Variants in ZRANB1 observed in about 807,000 individuals in gnomAD.
The protein encoded by ZRANB1 is ubiquitin thioesterase ZRANB1.
Under a neutral mutation model 80.5 loss-of-function variants are expected in ZRANB1, and 16 were observed. That is an observed-to-expected ratio of 0.20 (90% CI 0.13 to 0.30). The LOEUF (loss-of-function observed/expected upper bound fraction) is 0.30, where lower values mean the gene tolerates loss of function less well. ZRANB1 is among the 10% of genes least tolerant of loss of function. ZRANB1 has a pLI of 1.00. For missense variants in ZRANB1, 576 were observed against 862.6 expected (o/e 0.67, Z 4.16); for synonymous variants, 291 against 293.1 (o/e 0.99, Z 0.07).
Position 124,985,767 on chromosome 10 carries a change from A to C in ZRANB1, c.*775A>C, listed in dbSNP as rs1198182907. On this transcript the variant is annotated 3_prime_UTR_variant, in exon 9 of 9. Coordinates refer to ENST00000359653, the MANE Select transcript of ZRANB1 (RefSeq NM_017580.3). ...AGATTCTGGGCAGTGGTCTGTGAGT[A>C]GTTTTTTTCCTGGATGAAAAGGGAG... is the stretch of plus-strand genomic sequence containing the variant. 14 of 152,254 alleles carry C rather than the reference A, an allele frequency of 9.2e-5. No individual in the cohort carries two copies. The highest frequency in any genetic ancestry group is 3.4e-4 in the African/African-American group (14 of 41,436). The allele number at this position is 152,254 out of a possible 1,614,324, so 9.4% of individuals were successfully genotyped here. A position where few individuals can be genotyped will look rare whatever the true frequency, so the allele number is the denominator to read the frequency against.
chr10:124,981,923 G>A, intron 6 of ZRANB1, 94 bp downstream of exon 6: 1 of 1,497,912 alleles, frequency 6.7e-7, no homozygotes, highest in South Asian at 1.2e-5. Flanking sequence ...GGGCAATGTG[G>A]TCAAAGAAAA....
At chr10:124,922,220 T>G in the ZRANB1 span, among the ~76,000 whole-genome samples, 1 of 145,196 alleles carries the variant, frequency 6.9e-6, no homozygotes, top group Admixed American at 6.9e-5. Context: ...GCTGGGATTA[T>G]TGGCATGAAC....
Position 124,942,188 on chromosome 10 carries a change from T to G in ZRANB1, c.-306T>G. 1 of 1,168,288 alleles carries G rather than the reference T, an allele frequency of 8.6e-7. No homozygotes were observed. The highest frequency in any genetic ancestry group is 1.1e-6 in the Non-Finnish European group (1 of 943,174). 72.4% of individuals were successfully genotyped at this position (1,168,288 alleles called of 1,614,324 possible). ...TCCCGTTAATCTCATCCTTCTTAGA[T>G]CAAACCTCGTTATATCTCCTGCCTA... is the stretch of plus-strand genomic sequence containing the variant. On this transcript the variant is annotated 5_prime_UTR_variant, in exon 1 of 9. Transcript: ENST00000359653.
chr10:124,965,996 A>G (rs1311943929), intron 1 of ZRANB1, among the ~76,000 whole-genome samples: 1 of 152,178 alleles, frequency 6.6e-6, no homozygotes, highest in Non-Finnish European at 1.5e-5. Flanking sequence ...TTTTTACGTT[A>G]TTAATAATTC....
In ZRANB1 at chr10:124,986,586, TAG is replaced by T; in HGVS notation, c.*1596_*1597del. The stretch of plus-strand genomic sequence containing the variant: ...AAAATGATTTTTTAGTACGATTCTG[TAG>T]AAATGAATCTTTGATATAATGTAAA... On this transcript the variant is annotated 3_prime_UTR_variant, in exon 9 of 9. Coordinates refer to ENST00000359653, the MANE Select transcript of ZRANB1 (RefSeq NM_017580.3). 6.6e-6 allele frequency: 1 copy of T among 152,332 alleles called. No individual in the cohort carries two copies. The highest frequency in any genetic ancestry group is 2.1e-4 in the South Asian group (1 of 4,832). The allele number at this position is 152,332 out of a possible 1,614,324, so 9.4% of individuals were successfully genotyped here.
chr10:124,958,635 A>G (rs1007173022), intron 1 of ZRANB1, among the ~76,000 whole-genome samples: 10 of 152,224 alleles, frequency 6.6e-5, no homozygotes, highest in Admixed American at 2.0e-4. Context: ...GTTACCTTTT[A>G]AAAATGAATG....
In ZRANB1 at chr10:124,987,105, G is replaced by A. The variant is rs1248029718; in HGVS notation, c.*2113G>A. 1 of 152,720 alleles carries A rather than the reference G, an allele frequency of 6.5e-6. No individual in the cohort carries two copies. The highest frequency in any genetic ancestry group is 2.1e-4 in the South Asian group (1 of 4,820). The allele number at this position is 152,720 out of a possible 1,614,324, so 9.5% of individuals were successfully genotyped here. ...AATGGGGCTCTAAATGGTTTTCATA[G>A]ACTGGCTGTTAAAGGCCAAAAATTT... On this transcript the variant is annotated 3_prime_UTR_variant, in exon 9 of 9. Coordinates refer to ENST00000359653, the MANE Select transcript of ZRANB1 (RefSeq NM_017580.3).
chr10:124,957,759 C>T (rs1426065537), intron 1 of ZRANB1, among the ~76,000 whole-genome samples: 6 of 150,876 alleles, frequency 4.0e-5, no homozygotes, highest in Non-Finnish European at 1.5e-5. Context: ...GGAAGTTTCG[C>T]TCTGTTGCCC....
chr10:124,959,512 G>A (rs6597861), intron 1 of ZRANB1, among the ~76,000 whole-genome samples: 148,858 of 151,872 alleles, frequency 0.98, 73,007 homozygotes, highest in Non-Finnish European at 1. Flanking sequence ...CCCAGGCTGG[G>A]TGGAGTGCAG....
chr10:124,917,181 T>TGCCGCCGCCGCCGCCGCCGCCGCC, the ZRANB1 span: 8 of 166,312 alleles, frequency 4.8e-5, no homozygotes, highest in African/African-American at 1.7e-4. Context: ...GAGTCGCCGC[T>TGCCGCCGCCGCCGCCGCCGCCGCC]GCCGCCGCCG....
chr10:124,983,294 T>A lies in ZRANB1; in HGVS notation c.1668T>A (p.Thr556=). Residue 556 remains threonine (T), a synonymous_variant, in exon 7 of 9, where the codon ACT becomes ACA. Coordinates refer to ENST00000359653, the MANE Select transcript of ZRANB1 (RefSeq NM_017580.3). The surrounding 1 kb of genome is among the most constrained non-coding windows in gnomAD (Gnocchi z 6.2). ...KSFRGETLGY[T]RFQGVYLPLL... ...TCCGGGGAGAAACTTTAGGATATACTCGGTTTCAAGGTAAGCCATTATTCA... is the reference window on the plus strand; with the variant it reads ...TCCGGGGAGAAACTTTAGGATATACACGGTTTCAAGGTAAGCCATTATTCA... 1 of 1,613,874 alleles carries A rather than the reference T, an allele frequency of 6.2e-7. No homozygotes were observed. The highest frequency in any genetic ancestry group is 8.5e-7 in the Non-Finnish European group (1 of 1,179,946).
chr10:124,938,991 A>G (rs987190332), upstream of ZRANB1, among the ~76,000 whole-genome samples: 6 of 152,000 alleles, frequency 3.9e-5, no homozygotes, highest in Non-Finnish European at 8.8e-5. Flanking sequence ...AGCCTGGCCA[A>G]CACAGTGAAA....
At chr10:124,981,252 AAG>A (rs1951929880) in intron 5 of ZRANB1, among the ~76,000 whole-genome samples, 1 of 152,228 alleles carries the variant, frequency 6.6e-6, no homozygotes, top group African/African-American at 2.4e-5. Flanking sequence ...TATTTATGGA[AAG>A]AAATCTCAGG....
intron 1 of ZRANB1, among the ~76,000 whole-genome samples, chr10:124,954,508 TG>T (rs1308070750): frequency 6.8e-6 from 1 of 147,562 alleles, no homozygotes; most frequent in Non-Finnish European, 1.5e-5. Flanking sequence ...AGTGTAGTGG[TG>T]TAACCTCAGC....
upstream of ZRANB1, among the ~76,000 whole-genome samples, chr10:124,938,798 C>T (rs7902820): frequency 0.03 from 4,546 of 151,910 alleles, 207 homozygotes; most frequent in African/African-American, 0.1. Flanking sequence ...TCTTGAACTC[C>T]TGTACTCAAA....
intron 2 of ZRANB1, among the ~76,000 whole-genome samples, chr10:124,969,183 G>C (rs1007392124): frequency 6.6e-6 from 1 of 152,220 alleles, no homozygotes; most frequent in African/African-American, 2.4e-5. Context: ...ACAAGAGAGT[G>C]ATCCAGTGTC....
rs1348841236 is a variant in ZRANB1, at chr10:124,986,289, G to GCACACACACACACACACACACA, written c.*1298_*1299insACACACACACACACACACACAC. 4 of 108,358 alleles carry GCACACACACACACACACACACA rather than the reference G, an allele frequency of 3.7e-5. No homozygotes were observed. The highest frequency in any genetic ancestry group is 1.5e-4 in the African/African-American group (4 of 27,546). 6.7% of individuals were successfully genotyped at this position (108,358 alleles called of 1,614,324 possible). On this transcript the variant is annotated 3_prime_UTR_variant, in exon 9 of 9. Transcript: ENST00000359653. ...AAAGACGACACACGCACGCGCGCGC[G>GCACACACACACACACACACACA]CGCACACACACACACACACACACAC...
Position 124,984,784 on chromosome 10 carries a change from A to G in ZRANB1, c.1919A>G (p.Glu640Gly). Residue 640 changes from glutamate to glycine, a missense_variant, in exon 9 of 9, where the codon GAG becomes GGG. By Grantham distance (98) the Glu-to-Gly change is moderately conservative. This residue lies in a region of ZRANB1 where 152 missense variants were observed against 221.9 expected (regional missense o/e 0.69). Coordinates refer to ENST00000359653, the MANE Select transcript of ZRANB1 (RefSeq NM_017580.3). The stretch of plus-strand genomic sequence containing the variant: ...ATATTCCTCCAAAAGCTAGGTAATG[A>G]GGAACAGCAAGAAAAACTGCTCAGG... ...HFLSAQELGN[E>G]EQQEKLLREW... 6.2e-7 allele frequency: 1 copy of G among 1,613,550 alleles called. No homozygotes were observed. Among genetic ancestry groups the G allele is most frequent in the Middle Eastern group, 1.7e-4 (1 of 6,060 alleles).
At chr10:124,930,807 A>T in the ZRANB1 span, among the ~76,000 whole-genome samples, 1 of 152,126 alleles carries the variant, frequency 6.6e-6, no homozygotes, top group South Asian at 2.1e-4. Context: ...GGCTGAGTCG[A>T]GAAGATTGAG....
Sources: gnomAD v4.1 joint callset for allele counts (sites outside exome capture counted in the v4.1 genomes callset) on GRCh38, gnomAD v4.1.1 for gene constraint, gnomAD v4.1.1 regional missense constraint, Gnocchi (gnomAD v3.1) non-coding constraint, MANE v1.5 for transcripts, NCBI Gene and HGNC (gene_info 2026-07-23, HGNC 2026-07-21) for gene names.